UBE3D: variants seen among roughly 807,000 people sequenced by gnomAD.
UBE3D encodes the protein ubiquitin protein ligase E3D.
UBE3D carries 48 observed loss-of-function variants against 49.6 expected under a neutral mutation model. The ratio of observed to expected loss-of-function variants is 0.97; its 90% CI spans 0.77 to 1.23. The LOEUF is 1.23. UBE3D is among the 50% of genes most tolerant of loss of function. The pLI, the probability that UBE3D is intolerant of heterozygous loss-of-function variation, is 0.00. For synonymous variants in UBE3D, 189 were observed against 174.2 expected (o/e 1.08, Z -0.67); for missense variants, 452 against 468.4 (o/e 0.96, Z 0.32).
chr6:82,974,683 A>T (rs1038237787), intron 8 of UBE3D, among the ~76,000 whole-genome samples: 1 of 152,062 alleles, frequency 6.6e-6, no homozygotes, highest in Non-Finnish European at 1.5e-5. Context: ...AGTTAAATAT[A>T]GCTACTCAAG....
chr6:83,028,713 T>G (rs967308234), intron 5 of UBE3D, among the ~76,000 whole-genome samples: 7 of 152,224 alleles, frequency 4.6e-5, no homozygotes, highest in African/African-American at 1.4e-4. Context: ...TCCCTGATTT[T>G]TATTCCTTCC....
Position 82,892,698 on chromosome 6 carries a change from A to G in UBE3D, c.*324T>C, listed in dbSNP as rs560938390. 1.1e-4 allele frequency: 42 copies of G among 367,504 alleles called. No homozygotes were observed. The highest frequency in any genetic ancestry group is 1.8e-4 in the Non-Finnish European group (34 of 192,302). The allele number at this position is 367,504 out of a possible 1,614,324, so 22.8% of individuals were successfully genotyped here. A position where few individuals can be genotyped will look rare whatever the true frequency, so the allele number is the denominator to read the frequency against. On this transcript the variant is annotated 3_prime_UTR_variant, in exon 10 of 10. Transcript: ENST00000369747. ...TTCCACACAGGACAGATGGATCTCC[A>G]TTAGGTAATAACCTTCCAGGTGGTG...
intron 9 of UBE3D, among the ~76,000 whole-genome samples, chr6:82,907,399 C>T (rs1772179552): frequency 6.6e-6 from 1 of 152,198 alleles, no homozygotes; most frequent in South Asian, 2.1e-4. Flanking sequence ...ATCCAGAAGG[C>T]ATGTTTCACA....
intron 9 of UBE3D, among the ~76,000 whole-genome samples, chr6:82,934,538 C>T (rs1413596348): frequency 2.0e-5 from 3 of 152,042 alleles, no homozygotes; most frequent in African/African-American, 7.2e-5. Flanking sequence ...GATGCAGAAG[C>T]AGCTGCAAAA....
At chr6:83,007,936 C>T (rs9341955) in intron 8 of UBE3D, among the ~76,000 whole-genome samples, 98,032 of 151,966 alleles carry the variant, frequency 0.65, 32,639 homozygotes, top group East Asian at 0.78. Context: ...CAAAGTGAGA[C>T]CCTGTCTCAA....
At chr6:83,049,447 A>G (rs1192798048) in intron 3 of UBE3D, among the ~76,000 whole-genome samples, 4 of 152,252 alleles carry the variant, frequency 2.6e-5, no homozygotes, top group Non-Finnish European at 5.9e-5. Flanking sequence ...CCATAAAAGT[A>G]TAATTTTATT....
chr6:82,939,177 A>G (rs1049753027), intron 9 of UBE3D, among the ~76,000 whole-genome samples: 8 of 152,184 alleles, frequency 5.3e-5, no homozygotes, highest in Non-Finnish European at 1.2e-4. Context: ...ATACTGAGGT[A>G]AGAGAAGGTG....
chr6:83,053,292 A>G (rs1217073062), intron 3 of UBE3D, among the ~76,000 whole-genome samples: 2 of 152,240 alleles, frequency 1.3e-5, no homozygotes, highest in African/African-American at 4.8e-5. Flanking sequence ...TTACTGAGAT[A>G]AGGAACACTG....
rs111732573 is a variant in UBE3D, at chr6:83,028,865, G to A, written c.668-4827C>T. 9.7e-3 allele frequency among the ~76,000 whole-genome samples: 1,472 copies of A among 152,142 alleles called. 22 individuals are homozygous for A. The highest frequency in any genetic ancestry group is 0.034 in the African/African-American group (1,395 of 41,508). The stretch of plus-strand genomic sequence containing the variant: ...ATCCTTATTTTGCCTTCATTTTTGA[G>A]TGATAGTTATGCTAGATACAGTACT... On this transcript the variant is annotated intron_variant, in intron 5 of 9. Coordinates refer to ENST00000369747, the MANE Select transcript of UBE3D (RefSeq NM_198920.3).
chr6:82,932,795 G>A (rs1002836665), intron 9 of UBE3D, among the ~76,000 whole-genome samples: 4 of 152,154 alleles, frequency 2.6e-5, no homozygotes. Context: ...TAGTTTGGGA[G>A]ACTGATTACT....
chr6:83,022,325 C>A, intron 7 of UBE3D, 128 bp downstream of exon 7: 2 of 639,494 alleles, frequency 3.1e-6, no homozygotes, highest in South Asian at 2.7e-5. Context: ...CCGTGCCCAG[C>A]CTGATATTAA....
chr6:82,911,242 A>G (rs562321143), intron 9 of UBE3D, among the ~76,000 whole-genome samples: 1 of 149,624 alleles, frequency 6.7e-6, no homozygotes, highest in Admixed American at 6.7e-5. Flanking sequence ...GGACATGAAT[A>G]GATTTTGTGA....
downstream of UBE3D, among the ~76,000 whole-genome samples, chr6:82,891,668 C>T (rs1365965301): frequency 6.6e-6 from 1 of 152,176 alleles, no homozygotes; most frequent in East Asian, 1.9e-4. Flanking sequence ...TTTGGTTGCA[C>T]TACCAGGAAG....
rs775142593 is a variant in UBE3D at position 82,957,315 on chromosome 6, A to G, written c.1146T>C (p.Phe382=). The G allele has an allele frequency of 6.2e-7, 1 of 1,613,446 alleles. No individual in the cohort carries two copies. The highest frequency in any genetic ancestry group is 1.3e-5 in the African/African-American group (1 of 74,892). ...TAGAAAAGAAGCCATTGCTCACCTG[A>G]AAGGAATTCACACGGCGAAGGGATG... ...LPSSLRRVNS[F]QVAFLKM Residue 382 remains phenylalanine, a synonymous_variant, in exon 9 of 10, where the codon TTT becomes TTC. Transcript: ENST00000369747.
intron 8 of UBE3D, among the ~76,000 whole-genome samples, chr6:82,978,170 G>A (rs189506193): frequency 2.8e-4 from 42 of 152,124 alleles, no homozygotes; most frequent in Admixed American, 2.4e-3. Flanking sequence ...GCAAGTTGAC[G>A]CTAATGGAGA....
intron 8 of UBE3D, among the ~76,000 whole-genome samples, chr6:83,001,495 T>C (rs1779632994): frequency 6.6e-6 from 1 of 152,202 alleles, no homozygotes; most frequent in African/African-American, 2.4e-5. Flanking sequence ...TATCCCTTTA[T>C]ATATAAATTT....
At chr6:82,932,475 T>C (rs1461774029) in intron 9 of UBE3D, 1 of 152,156 alleles carries the variant, frequency 6.6e-6, no homozygotes, top group Non-Finnish European at 1.5e-5. Flanking sequence ...ATCTGCTTGG[T>C]CATTTTCCCA....
chr6:82,910,926 C>A (rs1772457447), intron 9 of UBE3D, among the ~76,000 whole-genome samples: 1 of 152,018 alleles, frequency 6.6e-6, no homozygotes, highest in East Asian at 1.9e-4. Flanking sequence ...ACTTTCCATG[C>A]ATATTTTGTG....
chr6:82,945,280 A>T (rs953484168), intron 9 of UBE3D, among the ~76,000 whole-genome samples: 12 of 152,214 alleles, frequency 7.9e-5, no homozygotes, highest in Non-Finnish European at 1.3e-4. Context: ...ACAGACAGAA[A>T]GGGAGAGAGA....
Sources: allele counts gnomAD v4.1 joint callset (sites outside exome capture counted in the v4.1 genomes callset), GRCh38; gene constraint gnomAD v4.1.1; transcripts MANE v1.5; gene names NCBI Gene and HGNC (gene_info 2026-07-23, HGNC 2026-07-21).